Variants in EEF1AKMT1 observed in about 807,000 individuals in gnomAD.
EEF1AKMT1 encodes the protein N-6 adenine-specific DNA methyltransferase 2 (putative).
A neutral mutation model predicts 21.0 loss-of-function variants in EEF1AKMT1; 18 were observed. The observed-to-expected ratio is 0.86, with a 90% CI of 0.59 to 1.27. EEF1AKMT1 has a LOEUF of 1.27. Among genes scored for constraint, EEF1AKMT1 ranks in the 50% most tolerant of loss-of-function variants. The pLI is 0.00. For missense variants in EEF1AKMT1, 246 were observed against 258.6 expected (o/e 0.95, Z 0.33); for synonymous variants, 109 against 94.8 (o/e 1.15, Z -0.87).
At chr13:20,764,269 T>C (rs1035969483) in intron 1 of EEF1AKMT1, among the ~76,000 whole-genome samples, 4 of 152,190 alleles carry the variant, frequency 2.6e-5, no homozygotes, top group African/African-American at 9.7e-5. Context: ...CCATTTTCAT[T>C]CAGTTCAGTG....
chr13:20,731,128 C>T (rs2058792558), intron 4 of EEF1AKMT1, among the ~76,000 whole-genome samples: 1 of 152,156 alleles, frequency 6.6e-6, no homozygotes, highest in Non-Finnish European at 1.5e-5. Flanking sequence ...GCAGACACAC[C>T]ACCTCCATCT....
chr13:20,752,407 A>G (rs1303415067), intron 2 of EEF1AKMT1, among the ~76,000 whole-genome samples: 1 of 152,098 alleles, frequency 6.6e-6, no homozygotes, highest in African/African-American at 2.4e-5. Context: ...AGATGATCAT[A>G]TAACATTTGT....
In EEF1AKMT1 at chr13:20,728,967, G is replaced by T; in HGVS notation, c.*113C>A. The T allele has an allele frequency of 1.4e-6, 2 of 1,390,024 alleles. No homozygotes were observed. Among genetic ancestry groups the T allele is most frequent in the Admixed American group, 1.8e-5 (1 of 55,698 alleles). The allele number at this position is 1,390,024 out of a possible 1,614,324, so 86.1% of individuals were successfully genotyped here. ...CACTTTATTTTGAAAACCAGGCCAG[G>T]GACAGCTCCAGTTTGGGGGGAGGGG... On this transcript the variant is annotated 3_prime_UTR_variant, in exon 5 of 5. Coordinates refer to ENST00000382758, the MANE Select transcript of EEF1AKMT1 (RefSeq NM_001318939.2).
At position 20,729,672 on chromosome 13, in the gene EEF1AKMT1, C is replaced by CTGGG. The variant is rs1399897070; in HGVS notation, c.509-460_509-457dup. Among the ~76,000 whole-genome samples the CTGGG allele has an allele frequency of 3.3e-5, 5 of 152,288 alleles. No homozygotes were observed. The South Asian group carries it at 1.0e-3, about 32-fold the overall frequency. ...CATCTGCTCCCAATTTCTCCCCGCCCTGGGCCCACAGCGCACAGCCAGCTC... is the reference window on the plus strand; with the variant it reads ...CATCTGCTCCCAATTTCTCCCCGCCCTGGGTGGGCCCACAGCGCACAGCCAGCTC... On this transcript the variant is annotated intron_variant, in intron 4 of 4. Coordinates refer to ENST00000382758, the MANE Select transcript of EEF1AKMT1 (RefSeq NM_001318939.2).
chr13:20,769,774 A>G (rs553766257), intron 1 of EEF1AKMT1, among the ~76,000 whole-genome samples: 1 of 152,274 alleles, frequency 6.6e-6, no homozygotes, highest in South Asian at 2.1e-4. Context: ...AGAAACAGGA[A>G]AGTACAGCCC....
intron 2 of EEF1AKMT1, among the ~76,000 whole-genome samples, chr13:20,741,206 A>G (rs929090442): frequency 6.6e-6 from 1 of 151,494 alleles, no homozygotes; most frequent in African/African-American, 2.4e-5. Flanking sequence ...TTAATTACTC[A>G]AGCAGAAATC....
chr13:20,729,342 G>T, intron 4 of EEF1AKMT1, 126 bp from the exon 5 acceptor site: 1 of 1,076,792 alleles, frequency 9.3e-7, no homozygotes, highest in Non-Finnish European at 1.4e-6. Flanking sequence ...ACAAGTGGGG[G>T]GAGGGAGCGA....
intron 2 of EEF1AKMT1, among the ~76,000 whole-genome samples, chr13:20,752,292 A>G (rs1260235831): frequency 1.3e-5 from 2 of 152,170 alleles, no homozygotes; most frequent in African/African-American, 2.4e-5. Context: ...TTTATCATAT[A>G]TAGCCTTTAT....
chr13:20,738,548 C>T (rs888329911), intron 2 of EEF1AKMT1, among the ~76,000 whole-genome samples: 35 of 152,172 alleles, frequency 2.3e-4, no homozygotes, highest in African/African-American at 8.0e-4. Context: ...CTGGGGGGTT[C>T]TCTGCTTTAA....
chr13:20,756,650 A>G (rs1043902327), intron 2 of EEF1AKMT1, among the ~76,000 whole-genome samples: 1 of 152,186 alleles, frequency 6.6e-6, no homozygotes, highest in Non-Finnish European at 1.5e-5. Context: ...TCCAAGATGA[A>G]GACAGTTTAA....
chr13:20,766,657 A>G (rs2059034768), intron 1 of EEF1AKMT1, among the ~76,000 whole-genome samples: 2 of 152,046 alleles, frequency 1.3e-5, no homozygotes, highest in South Asian at 4.1e-4. Flanking sequence ...TCCTGTCTCA[A>G]CTAAAAATAC....
intron 2 of EEF1AKMT1, among the ~76,000 whole-genome samples, chr13:20,749,480 G>C (rs2058929196): frequency 6.6e-6 from 1 of 152,150 alleles, no homozygotes; most frequent in African/African-American, 2.4e-5. Context: ...AAACCCTCCT[G>C]CAGCTCTTGA....
chr13:20,760,180 T>C (rs149109357), intron 1 of EEF1AKMT1, among the ~76,000 whole-genome samples: 16 of 150,198 alleles, frequency 1.1e-4, no homozygotes, highest in African/African-American at 3.7e-4. Flanking sequence ...GCTTATACAC[T>C]GCGGGTATGA....
At chr13:20,739,356 C>G (rs71426028) in intron 2 of EEF1AKMT1, among the ~76,000 whole-genome samples, 10 of 152,274 alleles carry the variant, frequency 6.6e-5, no homozygotes, top group Admixed American at 1.3e-4. Context: ...GGGTTGCCGC[C>G]GCTAAGCAGG....
chr13:20,763,489 G>A (rs2059011862), intron 1 of EEF1AKMT1, among the ~76,000 whole-genome samples: 1 of 148,858 alleles, frequency 6.7e-6, no homozygotes, highest in Non-Finnish European at 1.5e-5. Flanking sequence ...TTTTGCTATT[G>A]TCGCCCAGGC....
intron 2 of EEF1AKMT1, among the ~76,000 whole-genome samples, chr13:20,739,207 T>G (rs1359414645): frequency 6.6e-6 from 1 of 152,150 alleles, no homozygotes; most frequent in Non-Finnish European, 1.5e-5. Context: ...CTTCGCTGGT[T>G]TCAGGAGTGA....
chr13:20,737,771 G>A lies in EEF1AKMT1; in HGVS notation c.179C>T (p.Ala60Val). 1.2e-6 allele frequency: 2 copies of A among 1,612,992 alleles called. No individual in the cohort carries two copies. The highest frequency in any genetic ancestry group is 1.7e-6 in the Non-Finnish European group (2 of 1,179,534). ...AATTGCCTCCTGTGCCAGCTGCAGAGCAGTTTCCTGACTATACCAAAACTG... is the reference window on the plus strand; with the variant it reads ...AATTGCCTCCTGTGCCAGCTGCAGAACAGTTTCCTGACTATACCAAAACTG... ...LSQFWYSQETALQLAQEAIAA... is the reference protein window; with the variant it reads ...LSQFWYSQETVLQLAQEAIAA... Residue 60 changes from alanine to valine, a missense_variant, in exon 3 of 5, where the codon GCT becomes GTT. By Grantham distance (64) the Ala-to-Val change is moderately conservative. Coordinates refer to ENST00000382758, the MANE Select transcript of EEF1AKMT1 (RefSeq NM_001318939.2).
chr13:20,750,809 G>A (rs1001981622), intron 2 of EEF1AKMT1, among the ~76,000 whole-genome samples: 4 of 152,186 alleles, frequency 2.6e-5, no homozygotes, highest in Non-Finnish European at 4.4e-5. Flanking sequence ...CACCAACGGT[G>A]TATAAGAGTT....
At chr13:20,736,907 T>A (rs2058829180) in intron 3 of EEF1AKMT1, among the ~76,000 whole-genome samples, 1 of 151,590 alleles carries the variant, frequency 6.6e-6, no homozygotes, top group African/African-American at 2.4e-5. Flanking sequence ...CAGCTAATTT[T>A]GTATTTCATA....
Sources: gnomAD v4.1 joint callset for allele counts (sites outside exome capture counted in the v4.1 genomes callset) on GRCh38, gnomAD v4.1.1 for gene constraint, MANE v1.5 for transcripts, NCBI Gene and HGNC (gene_info 2026-07-23, HGNC 2026-07-21) for gene names.